TNR: variants seen among roughly 807,000 people sequenced by gnomAD.
TNR encodes tenascin R.
Under a neutral mutation model 150.4 loss-of-function variants are expected in TNR, and 45 were observed. That is an observed-to-expected ratio of 0.30 (90% CI 0.24 to 0.38). TNR has a LOEUF of 0.38. TNR is among the 10% of genes least tolerant of loss of function. TNR has a pLI of 1.00. For synonymous variants in TNR, 687 were observed against 678.4 expected (o/e 1.01, Z -0.20); for missense variants, 1,544 against 1,759.1 (o/e 0.88, Z 2.19).
chr1:175,418,743 G>A (rs1162810135), intron 2 of TNR, among the ~76,000 whole-genome samples: 1 of 151,830 alleles, frequency 6.6e-6, no homozygotes. Context: ...AAAGGCAGTT[G>A]AAGCAGAGTA....
Position 175,581,447 on chromosome 1 carries a change from G to T in TNR, c.-164-53078C>A, listed in dbSNP as rs576148969. ...TCGGCAGCCATGAGCAGATGGATTGGAGTTTCTTGGGGTCGAGCATTTGCA... is the reference window on the plus strand; with the variant it reads ...TCGGCAGCCATGAGCAGATGGATTGTAGTTTCTTGGGGTCGAGCATTTGCA... On this transcript the variant is annotated intron_variant, in intron 1 of 22. Coordinates refer to ENST00000367674, the MANE Select transcript of TNR (RefSeq NM_003285.3). Among the ~76,000 whole-genome samples the T allele has an allele frequency of 5.2e-4, 79 of 152,274 alleles. 1 individual carries two copies. Among genetic ancestry groups the T allele is most frequent in the African/African-American group, 1.9e-3 (77 of 41,564 alleles).
intron 2 of TNR, among the ~76,000 whole-genome samples, chr1:175,435,602 T>C (rs1430819688): frequency 5.3e-5 from 8 of 152,174 alleles, no homozygotes; most frequent in Non-Finnish European, 1.5e-5. Flanking sequence ...TTCATGGAAA[T>C]GAGCGGCGTG....
chr1:175,731,188 T>A (rs1263688394), intron 1 of TNR, among the ~76,000 whole-genome samples: 1 of 152,208 alleles, frequency 6.6e-6, no homozygotes, highest in Admixed American at 6.5e-5. Context: ...GTGGGTCTTC[T>A]TGACCTTCGT....
At chr1:175,396,856 C>A in intron 4 of TNR, 49 bp from the exon 5 acceptor site, 1 of 1,578,884 alleles carries the variant, frequency 6.3e-7, no homozygotes, top group Non-Finnish European at 8.6e-7. Context: ...GATTGCCTTC[C>A]CCATCCTGGA....
intron 1 of TNR, among the ~76,000 whole-genome samples, chr1:175,587,813 A>C (rs1392198823): frequency 6.6e-6 from 1 of 152,228 alleles, no homozygotes; most frequent in East Asian, 1.9e-4. Context: ...GGACAAGAAA[A>C]AGAAAGCCCT....
At chr1:175,426,068 G>A (rs542327488) in intron 2 of TNR, among the ~76,000 whole-genome samples, 1 of 152,190 alleles carries the variant, frequency 6.6e-6, no homozygotes, top group African/African-American at 2.4e-5. Flanking sequence ...GCTAGAGGAA[G>A]CTGTAACAGG....
At chr1:175,511,879 G>A (rs1244526331) in intron 2 of TNR, among the ~76,000 whole-genome samples, 3 of 152,148 alleles carry the variant, frequency 2.0e-5, no homozygotes, top group Non-Finnish European at 2.9e-5. Flanking sequence ...GGTACACAAT[G>A]ACTTCTCACT....
chr1:175,465,355 C>T (rs989010994), intron 2 of TNR, among the ~76,000 whole-genome samples: 19 of 152,134 alleles, frequency 1.2e-4, no homozygotes, highest in African/African-American at 9.7e-5. Flanking sequence ...GATAAGTGCT[C>T]GATAAATGCC....
intron 1 of TNR, among the ~76,000 whole-genome samples, chr1:175,742,545 C>T (rs1298603725): frequency 6.6e-6 from 1 of 152,134 alleles, no homozygotes; most frequent in Admixed American, 6.5e-5. Context: ...TAGCACTTTC[C>T]TACCACCATG....
At chr1:175,593,081 A>C (rs1423585568) in intron 1 of TNR, among the ~76,000 whole-genome samples, 1 of 152,170 alleles carries the variant, frequency 6.6e-6, no homozygotes, top group Non-Finnish European at 1.5e-5. Flanking sequence ...CACCGGTTGA[A>C]TCTCTTCCAA....
chr1:175,512,536 A>T (rs1659230554), intron 2 of TNR, among the ~76,000 whole-genome samples: 1 of 152,208 alleles, frequency 6.6e-6, no homozygotes, highest in South Asian at 2.1e-4. Flanking sequence ...TGAGTACTAT[A>T]ACCCCAGGCC....
chr1:175,656,892 T>C (rs1282025725), intron 1 of TNR, among the ~76,000 whole-genome samples: 1 of 152,156 alleles, frequency 6.6e-6, no homozygotes, highest in East Asian at 1.9e-4. Flanking sequence ...TTTTTATGAT[T>C]GGAAGTATAT....
chr1:175,507,849 G>A (rs1445684245), intron 2 of TNR, among the ~76,000 whole-genome samples: 1 of 152,194 alleles, frequency 6.6e-6, no homozygotes. Flanking sequence ...TGTATCTCCA[G>A]CATCTAGCAC....
intron 1 of TNR, among the ~76,000 whole-genome samples, chr1:175,732,469 G>T (rs1046742341): frequency 2.6e-5 from 4 of 152,230 alleles, no homozygotes; most frequent in African/African-American, 9.6e-5. Context: ...GAGAGAGTTA[G>T]ATGGGGCTTT....
At chr1:175,469,279 C>A (rs1196243730) in intron 2 of TNR, among the ~76,000 whole-genome samples, 1 of 152,064 alleles carries the variant, frequency 6.6e-6, no homozygotes, top group African/African-American at 2.4e-5. Context: ...CAGTGTCCTG[C>A]TAGGAGGCAG....
intron 1 of TNR, among the ~76,000 whole-genome samples, chr1:175,657,534 T>C (rs1571721842): frequency 6.6e-6 from 1 of 152,068 alleles, no homozygotes; most frequent in East Asian, 1.9e-4. Flanking sequence ...TGTCCAACAA[T>C]GATAGACCGG....
At chr1:175,495,857 C>G (rs984301063) in intron 2 of TNR, among the ~76,000 whole-genome samples, 6 of 152,212 alleles carry the variant, frequency 3.9e-5, no homozygotes, top group Non-Finnish European at 7.3e-5. Context: ...CTCGCACACT[C>G]AAACTGTATC....
chr1:175,695,980 G>A (rs1666503174), intron 1 of TNR, among the ~76,000 whole-genome samples: 1 of 135,120 alleles, frequency 7.4e-6, no homozygotes, highest in African/African-American at 3.0e-5. Context: ...ATGGACAGAT[G>A]GATATATGGA....
chr1:175,682,918 C>G (rs1666080740), intron 1 of TNR, among the ~76,000 whole-genome samples: 1 of 152,196 alleles, frequency 6.6e-6, no homozygotes, highest in African/African-American at 2.4e-5. Flanking sequence ...AGGAAGTATT[C>G]TATGTGTAGC....
Sources: gnomAD v4.1 joint callset for allele counts (sites outside exome capture counted in the v4.1 genomes callset) on GRCh38, gnomAD v4.1.1 for gene constraint, MANE v1.5 for transcripts, NCBI Gene and HGNC (gene_info 2026-07-23, HGNC 2026-07-21) for gene names.